Variants in DDC observed in about 807,000 individuals in gnomAD.
DDC encodes aromatic-L-amino-acid decarboxylase.
DDC carries 43 observed loss-of-function variants against 60.0 expected under a neutral mutation model. The ratio of observed to expected loss-of-function variants is 0.72; its 90% CI spans 0.56 to 0.92. The LOEUF is 0.92. DDC is among the 40% of genes least tolerant of loss of function. The pLI is 0.00. For synonymous variants in DDC, 232 were observed against 234.6 expected (o/e 0.99, Z 0.10); for missense variants, 573 against 620.2 (o/e 0.92, Z 0.81).
intron 4 of DDC, among the ~76,000 whole-genome samples, chr7:50,530,075 A>G (rs1225489358): frequency 6.6e-6 from 1 of 152,042 alleles, no homozygotes; most frequent in African/African-American, 2.4e-5. Flanking sequence ...TGGGCAACAT[A>G]CCGAAACCCT....
At chr7:50,459,856 C>T (rs1043077811) in intron 14 of DDC, among the ~76,000 whole-genome samples, 1 of 148,616 alleles carries the variant, frequency 6.7e-6, no homozygotes, top group African/African-American at 2.5e-5. Flanking sequence ...CCGGCCCGGC[C>T]AGCCGCCCCG....
chr7:50,499,991 G>A (rs924450006), intron 7 of DDC, among the ~76,000 whole-genome samples: 2 of 152,202 alleles, frequency 1.3e-5, no homozygotes, highest in Admixed American at 6.5e-5. Flanking sequence ...CAAGGGATGA[G>A]CAAGGGAATA....
At chr7:50,560,131 T>G (rs969388322) in intron 1 of DDC, among the ~76,000 whole-genome samples, 1 of 152,154 alleles carries the variant, frequency 6.6e-6, no homozygotes, top group Non-Finnish European at 1.5e-5. Flanking sequence ...AGGACTCCGG[T>G]GCCCCCAGCA....
At chr7:50,483,254 TATG>T (rs1478497009) in intron 9 of DDC, among the ~76,000 whole-genome samples, 1 of 152,240 alleles carries the variant, frequency 6.6e-6, no homozygotes, top group Non-Finnish European at 1.5e-5. Context: ...CTGCATCTAA[TATG>T]ATAACTTTTT....
chr7:50,515,632 T>C (rs969352204), intron 6 of DDC, among the ~76,000 whole-genome samples: 9 of 152,136 alleles, frequency 5.9e-5, no homozygotes, highest in African/African-American at 2.2e-4. Context: ...ACCTAAAAGA[T>C]ACAGATCCAC....
intron 9 of DDC, among the ~76,000 whole-genome samples, chr7:50,486,059 T>A (rs146447800): frequency 1.5e-4 from 23 of 152,344 alleles, no homozygotes; most frequent in African/African-American, 5.3e-4. Flanking sequence ...GCTCTGAGGC[T>A]GTACATCCTG....
At chr7:50,517,465 C>T (rs2043763951) in intron 6 of DDC, among the ~76,000 whole-genome samples, 1 of 152,140 alleles carries the variant, frequency 6.6e-6, no homozygotes. Context: ...CCACAGCCAA[C>T]ATAATACTGA....
At chr7:50,503,529 A>T (rs575674886) in intron 7 of DDC, among the ~76,000 whole-genome samples, 15 of 152,226 alleles carry the variant, frequency 9.9e-5, no homozygotes, top group Non-Finnish European at 2.1e-4. Flanking sequence ...CATTGTGTTG[A>T]TTTGCTAAAC....
intron 1 of DDC, among the ~76,000 whole-genome samples, chr7:50,561,970 C>T (rs1189512129): frequency 1.3e-5 from 2 of 152,072 alleles, no homozygotes; most frequent in Admixed American, 6.5e-5. Flanking sequence ...GCATGCATAC[C>T]ACACACACAT....
chr7:50,510,167 G>A (rs2043511160), intron 6 of DDC, among the ~76,000 whole-genome samples: 1 of 151,894 alleles, frequency 6.6e-6, no homozygotes, highest in African/African-American at 2.4e-5. Context: ...AGTAGAGAAG[G>A]GGTTTCACCG....
At chr7:50,536,613 G>T (rs1033191954) in intron 4 of DDC, among the ~76,000 whole-genome samples, 5 of 152,196 alleles carry the variant, frequency 3.3e-5, no homozygotes, top group Non-Finnish European at 7.4e-5. Flanking sequence ...TGTCAACTTT[G>T]GTTTTAGCCC....
Position 50,537,888 on chromosome 7 carries a change from T to C in DDC, c.407A>G (p.Lys136Arg). ...LELPKAFLNEKAGEGGGVIQG... is the reference protein window; with the variant it reads ...LELPKAFLNERAGEGGGVIQG... ...GATCACTCCTCCCCCTTCTCCAGCT[T>C]TCTCATTCAAAAATGCCTTTGGTAG... The change falls in exon 4 of 15, where the codon AAA becomes AGA. Residue 136 changes from lysine to arginine, a missense_variant. Coordinates refer to ENST00000444124, the MANE Select transcript of DDC (RefSeq NM_001082971.2). 1 of 1,614,094 alleles carries C rather than the reference T, an allele frequency of 6.2e-7. No individual in the cohort carries two copies. Among genetic ancestry groups the C allele is most frequent in the Non-Finnish European group, 8.5e-7 (1 of 1,180,028 alleles).
intron 1 of DDC, among the ~76,000 whole-genome samples, chr7:50,549,092 A>C (rs1006404083): frequency 6.6e-6 from 1 of 152,232 alleles, no homozygotes; most frequent in African/African-American, 2.4e-5. Context: ...CTCAGAAGGA[A>C]AGATTCCTTT....
chr7:50,529,194 C>T lies in DDC; in HGVS notation c.570+14G>A, dbSNP rs201124754. On this transcript the variant is annotated intron_variant, in intron 5 of 14. Coordinates refer to ENST00000444124, the MANE Select transcript of DDC (RefSeq NM_001082971.2). Reference sequence around the variant, plus strand: ...GTCTTGAAGTCTTGGCTGATACCCCCACAACACACTCACCTGATCGGATGA... The same window carrying T: ...GTCTTGAAGTCTTGGCTGATACCCCTACAACACACTCACCTGATCGGATGA... 5.0e-6 allele frequency: 8 copies of T among 1,612,788 alleles called. No homozygotes were observed. Among genetic ancestry groups the T allele is most frequent in the Non-Finnish European group, 6.8e-6 (8 of 1,180,032 alleles).
At chr7:50,504,123 A>G in intron 6 of DDC, 64 bp from the exon 7 acceptor site, 9 of 1,152,850 alleles carry the variant, frequency 7.8e-6, no homozygotes, top group Non-Finnish European at 1.2e-5. Flanking sequence ...TAACCTCCAC[A>G]CAAGCAACTG....
chr7:50,516,263 C>T (rs1231516993), intron 6 of DDC, among the ~76,000 whole-genome samples: 1 of 152,134 alleles, frequency 6.6e-6, no homozygotes, highest in African/African-American at 2.4e-5. Context: ...TGGAAATTAT[C>T]TCCAAGAGGA....
chr7:50,511,304 A>C (rs2153542098), intron 6 of DDC, among the ~76,000 whole-genome samples: 1 of 107,908 alleles, frequency 9.3e-6, no homozygotes, highest in Admixed American at 1.2e-4. Flanking sequence ...GACTTTTTTT[A>C]ACAAAATTAT....
intron 6 of DDC, among the ~76,000 whole-genome samples, chr7:50,521,694 T>C (rs2043894700): frequency 6.6e-6 from 1 of 152,192 alleles, no homozygotes; most frequent in Non-Finnish European, 1.5e-5. Flanking sequence ...GAAAAGTGTT[T>C]GACAAAATTC....
chr7:50,473,092 G>C (rs193109416), intron 11 of DDC, among the ~76,000 whole-genome samples: 12 of 152,352 alleles, frequency 7.9e-5, no homozygotes, highest in African/African-American at 2.6e-4. Context: ...TGTGAGCACA[G>C]AGAGGGAAAG....
Sources: allele counts gnomAD v4.1 joint callset (sites outside exome capture counted in the v4.1 genomes callset), GRCh38; gene constraint gnomAD v4.1.1; transcripts MANE v1.5; gene names NCBI Gene and HGNC (gene_info 2026-07-23, HGNC 2026-07-21).